The following FRMPD1 variants were observed in gnomAD, a reference collection of about 807,000 sequenced individuals.
FRMPD1 encodes FERM and PDZ domain containing 1.
Under a neutral mutation model 117.8 loss-of-function variants are expected in FRMPD1, and 76 were observed. The observed-to-expected ratio is 0.65, with a 90% confidence interval of 0.54 to 0.78. The LOEUF is 0.78. FRMPD1 is among the 30% of genes least tolerant of loss of function. The pLI is 0.00. For missense variants in FRMPD1, 1,786 were observed against 1,964.5 expected, an observed-to-expected ratio of 0.91 and a Z score of 1.72; for synonymous variants, 783 against 770.4, an observed-to-expected ratio of 1.02 and a Z score of -0.27.
At chr9:37,733,000 C>T (rs1378847641) in intron 10 of FRMPD1, among the ~76,000 whole-genome samples, 2 of 152,130 alleles carry the variant, frequency 1.3e-5, no homozygotes, top group Admixed American at 6.5e-5. Context: ...CCCTGATGTA[C>T]TAAGTCCAAT....
chr9:37,605,122 A>G, the FRMPD1 span, among the ~76,000 whole-genome samples: 1 of 152,070 alleles, frequency 6.6e-6, no homozygotes, highest in East Asian at 1.9e-4. Context: ...TAACCTTTTG[A>G]TATTGTATAT....
chr9:37,732,396 C>A lies in FRMPD1; in HGVS notation c.951C>A (p.Ile317=). Residue 317 remains isoleucine (I), a synonymous_variant, in exon 10 of 16, where the codon ATC becomes ATA. Transcript: ENST00000377765. The part of the protein sequence containing the change: ...RLAALHIQER[I]YACAQPQKIS... ...CGGCTCTGCACATCCAGGAACGGAT[C>A]TACGCCTGTGCCCAGCCACAGAAGA... 1 of 1,613,884 alleles carries A rather than the reference C, an allele frequency of 6.2e-7. No homozygotes were observed. Among genetic ancestry groups the A allele is most frequent in the Non-Finnish European group, 8.5e-7 (1 of 1,180,008 alleles).
chr9:37,737,235 C>A lies in FRMPD1; in HGVS notation c.1541C>A (p.Ala514Glu). 1.9e-6 allele frequency: 3 copies of A among 1,614,076 alleles called. No individual in the cohort carries two copies. Among genetic ancestry groups the A allele is most frequent in the East Asian group, 2.2e-5 (1 of 44,856 alleles). Residue 514 changes from alanine to glutamate, a missense_variant, in exon 14 of 16, where the codon GCA becomes GAA. Ala to Glu is a moderately radical substitution (Grantham distance 107, BLOSUM62 -1). Transcript: ENST00000377765. Reference sequence around the variant, plus strand: ...AAACAACAAGCGCACCGGGTATCTGCAGAAGAAGGTGAGGCACTGAGTCTT... The same window carrying A: ...AAACAACAAGCGCACCGGGTATCTGAAGAAGAAGGTGAGGCACTGAGTCTT... ...GNKQQAHRVS[A>E]EEGYESRACS...
the FRMPD1 span, among the ~76,000 whole-genome samples, chr9:37,633,029 A>ATT: frequency 0.11 from 7,303 of 68,960 alleles, 315 homozygotes; most frequent in East Asian, 0.29. Flanking sequence ...ATATATATAT[A>ATT]TATTTTTCTT....
chr9:37,610,620 G>A, the FRMPD1 span, among the ~76,000 whole-genome samples: 6 of 141,270 alleles, frequency 4.2e-5, no homozygotes, highest in East Asian at 6.3e-4. Flanking sequence ...TTGAGACAGC[G>A]TTTCTCTCTT....
chr9:37,682,800 A>G (rs1350866499), intron 1 of FRMPD1, among the ~76,000 whole-genome samples: 2 of 152,214 alleles, frequency 1.3e-5, no homozygotes, highest in African/African-American at 4.8e-5. Context: ...AGTTGGGGTT[A>G]TTACTTACTG....
the FRMPD1 span, among the ~76,000 whole-genome samples, chr9:37,611,134 T>A: frequency 6.6e-6 from 1 of 152,202 alleles, no homozygotes; most frequent in African/African-American, 2.4e-5. Context: ...CATTTGTAAT[T>A]GTTTTTTTAG....
chr9:37,705,250 C>T (rs916896652), intron 2 of FRMPD1, among the ~76,000 whole-genome samples: 29 of 152,044 alleles, frequency 1.9e-4, no homozygotes, highest in Non-Finnish European at 2.5e-4. Context: ...TTCCTGTGCT[C>T]ATTATTCCTC....
intron 15 of FRMPD1, 58 bp from the exon 16 acceptor site, chr9:37,744,331 C>A (rs1824571887): frequency 7.6e-7 from 1 of 1,320,726 alleles, no homozygotes; most frequent in Non-Finnish European, 1.0e-6. Flanking sequence ...TGAGCCCAAG[C>A]TCTATTAACC....
chr9:37,721,222 G>C (rs1208095507), intron 6 of FRMPD1, among the ~76,000 whole-genome samples: 2 of 152,222 alleles, frequency 1.3e-5, no homozygotes, highest in Admixed American at 1.3e-4. Context: ...TTGGGAGTCT[G>C]CATCAGCCAC....
chr9:37,741,035 C>T, intron 15 of FRMPD1, 151 bp downstream of exon 15: 1 of 645,366 alleles, frequency 1.5e-6, no homozygotes, highest in South Asian at 1.8e-5. Flanking sequence ...ATTCCATGGA[C>T]CAAATTTTAG....
the FRMPD1 span, among the ~76,000 whole-genome samples, chr9:37,604,568 G>C: frequency 1.3e-5 from 2 of 152,208 alleles, no homozygotes; most frequent in Admixed American, 6.5e-5. Context: ...TCCTCCTTCT[G>C]TGTGGACCAG....
chr9:37,740,952 C>T lies in FRMPD1; in HGVS notation c.2356+68C>T. 8.1e-7 allele frequency: 1 copy of T among 1,228,346 alleles called. No individual in the cohort carries two copies. The highest frequency in any genetic ancestry group is 1.2e-6 in the Non-Finnish European group (1 of 833,340). 76.1% of individuals were successfully genotyped at this position (1,228,346 alleles called of 1,614,324 possible). A position where few individuals can be genotyped will look rare whatever the true frequency, so the allele number is the denominator to read the frequency against. ...CTGAGTGCCTCCCGGGGATCAAGGC[C>T]TGGGGCCAAGCTTGAGAGGAAGGCA... is the stretch of plus-strand genomic sequence containing the variant. On this transcript the variant is annotated intron_variant, in intron 15 of 15. Transcript: ENST00000377765. The surrounding 1 kb of genome is among the most constrained non-coding windows in gnomAD (Gnocchi z 4.2).
chr9:37,677,106 G>C (rs1687615358), intron 1 of FRMPD1, among the ~76,000 whole-genome samples: 1 of 152,202 alleles, frequency 6.6e-6, no homozygotes, highest in African/African-American at 2.4e-5. Flanking sequence ...GAAAAATGCA[G>C]AGTCTAGGGG....
Position 37,725,249 on chromosome 9 carries a change from G to A in FRMPD1, c.612+929G>A, listed in dbSNP as rs145443920. Among the ~76,000 whole-genome samples, 59 of 152,264 alleles carry A rather than the reference G, an allele frequency of 3.9e-4. 1 individual carries two copies. Among genetic ancestry groups the A allele is most frequent in the Middle Eastern group, 6.8e-3 (2 of 294 alleles). On this transcript the variant is annotated intron_variant, in intron 7 of 15. Transcript: ENST00000377765. ...ATGGTGCTAGCAGTTCTTGAACAAG[G>A]GAGTAAATAGTGTTAGAGTGAGGCC...
chr9:37,736,386 C>T (rs1824126700), intron 13 of FRMPD1, among the ~76,000 whole-genome samples: 1 of 151,548 alleles, frequency 6.6e-6, no homozygotes, highest in Non-Finnish European at 1.5e-5. Flanking sequence ...AAATAGTGGG[C>T]CCGGTGTGGT....
chr9:37,682,787 C>T (rs953196577), intron 1 of FRMPD1, among the ~76,000 whole-genome samples: 1 of 152,166 alleles, frequency 6.6e-6, no homozygotes, highest in African/African-American at 2.4e-5. Context: ...AGATTCCTTA[C>T]AGAGTTGGGG....
intron 7 of FRMPD1, among the ~76,000 whole-genome samples, chr9:37,724,617 C>A (rs1823544521): frequency 6.6e-6 from 1 of 152,198 alleles, no homozygotes; most frequent in Non-Finnish European, 1.5e-5. Flanking sequence ...CCCATAACCA[C>A]CAGGCTTCCC....
At chr9:37,634,755 T>C in the FRMPD1 span, among the ~76,000 whole-genome samples, 661 of 152,072 alleles carry the variant, frequency 4.3e-3, 3 homozygotes, top group African/African-American at 0.015. Context: ...GGAGATTTTT[T>C]TTCTTCTTCT....
Sources: allele counts gnomAD v4.1 joint callset (sites outside exome capture counted in the v4.1 genomes callset), GRCh38; gene constraint gnomAD v4.1.1; non-coding constraint Gnocchi (gnomAD v3.1); transcripts MANE v1.5; gene names NCBI Gene and HGNC (gene_info 2026-07-23, HGNC 2026-07-21).